The following SLC9A7 variants were observed in gnomAD, a reference collection of about 807,000 sequenced individuals.
SLC9A7 encodes solute carrier family 9 member A7.
SLC9A7 carries 19 observed loss-of-function variants against 52.6 expected under a neutral mutation model. That is an observed-to-expected ratio of 0.36 (90% confidence interval 0.25 to 0.53). The LOEUF (loss-of-function observed/expected upper bound fraction) is 0.53, where lower values mean the gene tolerates loss of function less well. Ranked by LOEUF, SLC9A7 falls within the 20% of genes least tolerant of loss-of-function variation. The probability of loss-of-function intolerance (pLI) is 0.91; values close to 1 mark genes in which losing one functional copy is unlikely to be tolerated. For missense variants in SLC9A7, 455 were observed against 597.9 expected, an observed-to-expected ratio of 0.76 and a Z score of 2.49; for synonymous variants, 226 against 252.1, an observed-to-expected ratio of 0.90 and a Z score of 0.98.
intron 1 of SLC9A7, among the ~76,000 whole-genome samples, chrX:46,719,509 G>A (rs1471899878): frequency 7.2e-5 from 8 of 111,417 alleles, no homozygotes; most frequent in Non-Finnish European, 1.5e-4. Context: ...TAATATATGA[G>A]CATAATAAAT....
chrX:46,637,939 T>C (rs1419223997), intron 12 of SLC9A7, among the ~76,000 whole-genome samples: 1 of 112,248 alleles, frequency 8.9e-6, no homozygotes, highest in Non-Finnish European at 1.9e-5. Context: ...GACTTGAAAT[T>C]AGCCATAGTA....
chrX:46,617,374 T>C (rs1942970474), intron 15 of SLC9A7, among the ~76,000 whole-genome samples: 1 of 111,751 alleles, frequency 8.9e-6, no homozygotes, highest in Non-Finnish European at 1.9e-5. Context: ...GTCCCTCATG[T>C]CTCTATTTAG....
chrX:46,607,839 C>T (rs993102020), intron 16 of SLC9A7, among the ~76,000 whole-genome samples: 7 of 111,301 alleles, frequency 6.3e-5, no homozygotes, highest in Non-Finnish European at 1.1e-4. Flanking sequence ...GTGTCGGAGA[C>T]GGCACGAGGT....
chrX:46,636,368 T>C (rs185333883), intron 12 of SLC9A7, among the ~76,000 whole-genome samples: 253 of 111,141 alleles, frequency 2.3e-3, no homozygotes, highest in African/African-American at 7.9e-3. Context: ...TTCTCTGTTG[T>C]GGTGACCCGC....
intron 1 of SLC9A7, among the ~76,000 whole-genome samples, chrX:46,754,543 A>T (rs1364155739): frequency 9.0e-6 from 1 of 111,682 alleles, no homozygotes; most frequent in Non-Finnish European, 1.9e-5. Flanking sequence ...ATGTTACCGC[A>T]AAGAGTCATC....
chrX:46,628,024 G>A (rs1943161929), intron 14 of SLC9A7, among the ~76,000 whole-genome samples: 1 of 112,419 alleles, frequency 8.9e-6, no homozygotes, highest in Non-Finnish European at 1.9e-5. Context: ...AGACAGACAC[G>A]CACACACGTG....
At chrX:46,718,871 T>C (rs932606525) in intron 1 of SLC9A7, among the ~76,000 whole-genome samples, 9 of 112,043 alleles carry the variant, frequency 8.0e-5, no homozygotes. Context: ...AGTTCAACCA[T>C]TGTGGAAGAC....
intron 1 of SLC9A7, among the ~76,000 whole-genome samples, chrX:46,688,285 C>T (rs778519477): frequency 9.0e-5 from 10 of 111,456 alleles, no homozygotes; most frequent in Non-Finnish European, 1.5e-4. Context: ...TTTACATTCT[C>T]GCCAGCAACA....
chrX:46,661,885 G>A, intron 7 of SLC9A7, 131 bp downstream of exon 7: 1 of 553,203 alleles, frequency 1.8e-6, no homozygotes, highest in Non-Finnish European at 2.8e-6. Context: ...ACATATTTCA[G>A]GAGCCATCAT....
intron 1 of SLC9A7, among the ~76,000 whole-genome samples, chrX:46,750,632 G>A (rs147072113): frequency 3.6e-3 from 406 of 112,418 alleles, no homozygotes; most frequent in Non-Finnish European, 6.2e-3. Context: ...TTACAGGCAT[G>A]AGCCACCACA....
At chrX:46,671,945 G>A (rs2146843552) in intron 4 of SLC9A7, among the ~76,000 whole-genome samples, 1 of 112,061 alleles carries the variant, frequency 8.9e-6, no homozygotes, top group South Asian at 3.7e-4. Context: ...CTTGAGGGGG[G>A]ATGTATCTAC....
At chrX:46,704,389 T>C (rs1446695439) in intron 1 of SLC9A7, among the ~76,000 whole-genome samples, 1 of 112,233 alleles carries the variant, frequency 8.9e-6, no homozygotes, top group East Asian at 2.8e-4. Flanking sequence ...AAGTGTCAAT[T>C]CTCTTAATTG....
At chrX:46,657,354 T>C (rs1342370595) in intron 7 of SLC9A7, among the ~76,000 whole-genome samples, 6 of 107,419 alleles carry the variant, frequency 5.6e-5, no homozygotes, top group African/African-American at 2.0e-4. Context: ...AATGACAGGA[T>C]CAAATTCACA....
intron 11 of SLC9A7, 65 bp from the exon 12 acceptor site, chrX:46,643,454 C>T: frequency 2.8e-6 from 3 of 1,061,227 alleles, no homozygotes; most frequent in South Asian, 4.5e-5. Context: ...TCAAAATGCA[C>T]TGCTGCCATT....
At chrX:46,616,547 T>A (rs746559986) in intron 15 of SLC9A7, among the ~76,000 whole-genome samples, 1 of 111,752 alleles carries the variant, frequency 8.9e-6, no homozygotes, top group African/African-American at 3.2e-5. Context: ...TCTTTTTGAC[T>A]TTGTTCACTT....
chrX:46,616,188 G>A (rs1455997720), intron 15 of SLC9A7, among the ~76,000 whole-genome samples: 1 of 106,316 alleles, frequency 9.4e-6, no homozygotes, highest in Non-Finnish European at 1.9e-5. Flanking sequence ...AATTAGCAGG[G>A]TGTGGTGACA....
intron 1 of SLC9A7, among the ~76,000 whole-genome samples, chrX:46,700,528 CTCTT>C (rs1944515131): frequency 8.9e-6 from 1 of 112,130 alleles, no homozygotes; most frequent in African/African-American, 3.2e-5. Context: ...GCCGGGGACT[CTCTT>C]TCCATTCTCT....
intron 1 of SLC9A7, among the ~76,000 whole-genome samples, chrX:46,708,608 T>C (rs1434357978): frequency 8.9e-6 from 1 of 112,074 alleles, no homozygotes; most frequent in African/African-American, 3.2e-5. Flanking sequence ...TGTCAGGCAC[T>C]GACAGCAGAG....
chrX:46,724,979 C>T (rs1288862029), intron 1 of SLC9A7, among the ~76,000 whole-genome samples: 2 of 111,721 alleles, frequency 1.8e-5, no homozygotes, highest in Non-Finnish European at 1.9e-5. Context: ...ACAAAAAAAG[C>T]GTTTCCCAAA....
Sources: gnomAD v4.1 joint callset for allele counts (sites outside exome capture counted in the v4.1 genomes callset) on GRCh38, gnomAD v4.1.1 for gene constraint, MANE v1.5 for transcripts, NCBI Gene and HGNC (gene_info 2026-07-23, HGNC 2026-07-21) for gene names.